Variants in ZBTB20 observed in about 807,000 individuals in gnomAD.
The protein encoded by ZBTB20 is zinc finger and BTB domain containing 20, also known as zinc finger and BTB domain-containing protein 20.
In ZBTB20, 9 loss-of-function variants were observed where a neutral mutation model predicts 56.9. The observed-to-expected ratio is 0.16, with a 90% CI of 0.10 to 0.28. ZBTB20 has a LOEUF of 0.28. Among genes scored for constraint, ZBTB20 ranks in the 10% least tolerant of loss-of-function variants. The pLI is 1.00. For missense variants in ZBTB20, 655 were observed against 1,003.0 expected (o/e 0.65, Z 4.69); for synonymous variants, 417 against 420.7 (o/e 0.99, Z 0.11).
chr3:114,714,715 C>T (rs920036351), intron 5 of ZBTB20, among the ~76,000 whole-genome samples: 2 of 152,198 alleles, frequency 1.3e-5, no homozygotes, highest in Non-Finnish European at 2.9e-5. Flanking sequence ...ATATCAACAA[C>T]TGCATTAGTC....
intron 5 of ZBTB20, among the ~76,000 whole-genome samples, chr3:114,771,702 G>A (rs1387777563): frequency 2.0e-5 from 3 of 152,086 alleles, no homozygotes; most frequent in Non-Finnish European, 4.4e-5. Context: ...ACCTTGAACA[G>A]AATTCCAAAG....
rs1377670871 is a variant in ZBTB20, at chr3:114,339,590, T to C, written c.1805-164A>G. Among the ~76,000 whole-genome samples the C allele has an allele frequency of 1.3e-5, 2 of 152,194 alleles. No homozygotes were observed. The highest frequency in any genetic ancestry group is 4.8e-5 in the African/African-American group (2 of 41,442). Reference sequence around the variant, plus strand: ...TCCTCGTTTGGAAAAATCCAGGCCCTCCTAGCCTCTCATGTGCAGAGAAAT... The same window carrying C: ...TCCTCGTTTGGAAAAATCCAGGCCCCCCTAGCCTCTCATGTGCAGAGAAAT... On this transcript the variant is annotated intron_variant, in intron 11 of 11. Transcript: ENST00000675478. The surrounding 1 kb of genome is among the most constrained non-coding windows in gnomAD (Gnocchi z 4.2).
intron 5 of ZBTB20, among the ~76,000 whole-genome samples, chr3:114,754,442 T>C (rs2067847381): frequency 6.6e-6 from 1 of 152,176 alleles, no homozygotes; most frequent in South Asian, 2.1e-4. Flanking sequence ...GGTTTTCTTA[T>C]GTTTTGCAGC....
Position 114,787,713 on chromosome 3 carries a change from G to A in ZBTB20, c.-343+13388C>T, listed in dbSNP as rs569942664. On this transcript the variant is annotated intron_variant, in intron 5 of 11. Coordinates refer to ENST00000675478, the MANE Select transcript of ZBTB20 (RefSeq NM_001348800.3). Reference sequence around the variant, plus strand: ...TATACCAAGAAGTTTATTAATGTCAGTAAAAATATTCAACATTTTCAGAGG... The same window carrying A: ...TATACCAAGAAGTTTATTAATGTCAATAAAAATATTCAACATTTTCAGAGG... Among the ~76,000 whole-genome samples, 3 of 151,958 alleles carry A rather than the reference G, an allele frequency of 2.0e-5. 1 individual carries two copies. The South Asian group carries it at 6.2e-4, about 32-fold the overall frequency.
chr3:114,964,279 G>C (rs1407071977), intron 3 of ZBTB20, among the ~76,000 whole-genome samples: 1 of 152,112 alleles, frequency 6.6e-6, no homozygotes, highest in Non-Finnish European at 1.5e-5. Context: ...GCCAGGTGTG[G>C]TGGAGCACGC....
At chr3:114,969,617 T>C (rs1370522998) in intron 3 of ZBTB20, among the ~76,000 whole-genome samples, 2 of 152,208 alleles carry the variant, frequency 1.3e-5, no homozygotes, top group East Asian at 3.8e-4. Context: ...ACTAAGCAAA[T>C]ATTTACTCGT....
intron 1 of ZBTB20, among the ~76,000 whole-genome samples, chr3:115,137,594 C>G (rs1030828560): frequency 1.3e-5 from 2 of 151,986 alleles, no homozygotes. Context: ...TAATAAAAGT[C>G]TAGACTGTAT....
intron 2 of ZBTB20, among the ~76,000 whole-genome samples, chr3:115,020,097 A>G (rs1303651715): frequency 2.0e-5 from 3 of 151,036 alleles, no homozygotes; most frequent in African/African-American, 7.3e-5. Context: ...CCTGGGCAGC[A>G]CAACTCTGCG....
intron 6 of ZBTB20, among the ~76,000 whole-genome samples, chr3:114,691,614 T>C (rs1024773520): frequency 4.6e-5 from 7 of 152,070 alleles, no homozygotes; most frequent in Non-Finnish European, 8.8e-5. Flanking sequence ...AGGAATATTA[T>C]ATATTTATTT....
chr3:115,103,444 C>G (rs927116651), intron 1 of ZBTB20, among the ~76,000 whole-genome samples: 6 of 152,158 alleles, frequency 3.9e-5, no homozygotes, highest in Non-Finnish European at 8.8e-5. Flanking sequence ...TACCAGACTT[C>G]AGGACTTACT....
At position 114,779,598 on chromosome 3, in the gene ZBTB20, T is replaced by C. The variant is rs2069902661; in HGVS notation, c.-343+21503A>G. On this transcript the variant is annotated intron_variant, in intron 5 of 11. Transcript: ENST00000675478. ...ATTTTTAAAAATCCTACTACAAAAC[T>C]ACCTTAACCCTTTTAGCACAGATTA... Among the ~76,000 whole-genome samples the C allele has an allele frequency of 2.6e-5, 4 of 152,222 alleles. No homozygotes were observed. The South Asian group carries it at 8.3e-4, about 31-fold the overall frequency.
chr3:114,909,939 T>A (rs1259587045), intron 3 of ZBTB20, among the ~76,000 whole-genome samples: 1 of 151,908 alleles, frequency 6.6e-6, no homozygotes, highest in African/African-American at 2.4e-5. Flanking sequence ...ACAATAATAC[T>A]GAGCATAAGG....
At chr3:115,143,184 T>C (rs994282471) in intron 1 of ZBTB20, among the ~76,000 whole-genome samples, 1 of 152,212 alleles carries the variant, frequency 6.6e-6, no homozygotes, top group Non-Finnish European at 1.5e-5. Flanking sequence ...ACAGACTAAA[T>C]GATTAAAGTA....
chr3:114,609,094 A>T (rs774524806), intron 6 of ZBTB20, among the ~76,000 whole-genome samples: 1 of 152,182 alleles, frequency 6.6e-6, no homozygotes, highest in African/African-American at 2.4e-5. Flanking sequence ...TTGGTCTGAG[A>T]CAAAACTCTT....
chr3:114,945,809 A>C (rs2076866691), intron 3 of ZBTB20, among the ~76,000 whole-genome samples: 1 of 145,206 alleles, frequency 6.9e-6, no homozygotes, highest in Non-Finnish European at 1.5e-5. Context: ...CTTAAAAGTA[A>C]GTATACAGAA....
intron 7 of ZBTB20, among the ~76,000 whole-genome samples, chr3:114,479,253 G>A (rs896593941): frequency 6.6e-6 from 1 of 152,082 alleles, no homozygotes; most frequent in East Asian, 1.9e-4. Flanking sequence ...ATTTTTCTAA[G>A]GAGGTCTTGA....
intron 7 of ZBTB20, among the ~76,000 whole-genome samples, chr3:114,454,099 G>C (rs1432558913): frequency 6.7e-6 from 1 of 149,018 alleles, no homozygotes; most frequent in African/African-American, 2.5e-5. Context: ...GAAGAGAGAG[G>C]GAGAGGGAGA....
At chr3:115,055,373 GACC>G (rs952346258) in intron 2 of ZBTB20, among the ~76,000 whole-genome samples, 8 of 152,012 alleles carry the variant, frequency 5.3e-5, no homozygotes, top group African/African-American at 1.9e-4. Flanking sequence ...TTCTTTAGAT[GACC>G]ACTGACCTGG....
intron 4 of ZBTB20, among the ~76,000 whole-genome samples, chr3:114,895,989 C>T (rs1560373668): frequency 6.6e-6 from 1 of 152,046 alleles, no homozygotes; most frequent in Non-Finnish European, 1.5e-5. Context: ...ATTTACAATC[C>T]AGATATCCTA....
Sources: allele counts gnomAD v4.1 joint callset (sites outside exome capture counted in the v4.1 genomes callset), GRCh38; gene constraint gnomAD v4.1.1; non-coding constraint Gnocchi (gnomAD v3.1); transcripts MANE v1.5; gene names NCBI Gene and HGNC (gene_info 2026-07-23, HGNC 2026-07-21).